Variants in GRID1 observed in about 807,000 individuals in gnomAD.
The protein encoded by GRID1 is glutamate receptor ionotropic, delta-1.
A neutral mutation model predicts 98.0 loss-of-function variants in GRID1; 28 were observed. The observed-to-expected ratio is 0.29, with a 90% CI of 0.21 to 0.39. The LOEUF (loss-of-function observed/expected upper bound fraction) is 0.39. Among genes scored for constraint, GRID1 ranks in the 10% least tolerant of loss-of-function variants. GRID1 has a pLI of 1.00. For synonymous variants in GRID1, 553 were observed against 538.5 expected (o/e 1.03, Z -0.37); for missense variants, 1,111 against 1,340.5 (o/e 0.83, Z 2.67).
chr10:85,827,787 G>A (rs886809400), intron 8 of GRID1, among the ~76,000 whole-genome samples: 1 of 151,778 alleles, frequency 6.6e-6, no homozygotes, highest in African/African-American at 2.4e-5. Context: ...GAAGCACCAA[G>A]GTCTTCTAAG....
At chr10:85,634,442 T>C (rs1843013460) in intron 13 of GRID1, among the ~76,000 whole-genome samples, 1 of 152,166 alleles carries the variant, frequency 6.6e-6, no homozygotes, top group Non-Finnish European at 1.5e-5. Context: ...TACTCAAATA[T>C]GTTTTATCTT....
chr10:85,905,390 C>T (rs1392539305), intron 5 of GRID1, among the ~76,000 whole-genome samples: 1 of 151,786 alleles, frequency 6.6e-6, no homozygotes, highest in African/African-American at 2.4e-5. Flanking sequence ...GGAAGTCTTT[C>T]AAGCAGAAGA....
At chr10:86,337,160 C>T (rs1848234322) in intron 2 of GRID1, among the ~76,000 whole-genome samples, 1 of 152,088 alleles carries the variant, frequency 6.6e-6, no homozygotes, top group Non-Finnish European at 1.5e-5. Context: ...CAGCCTGGCC[C>T]ACTCTCTATC....
intron 4 of GRID1, among the ~76,000 whole-genome samples, chr10:85,920,281 T>TA (rs1333773614): frequency 6.6e-6 from 1 of 152,048 alleles, no homozygotes; most frequent in Non-Finnish European, 1.5e-5. Context: ...CCACTTAGGG[T>TA]TATTGTGAGA....
At chr10:85,729,127 A>G (rs987474836) in intron 9 of GRID1, among the ~76,000 whole-genome samples, 5 of 152,116 alleles carry the variant, frequency 3.3e-5, no homozygotes, top group Non-Finnish European at 7.3e-5. Flanking sequence ...TGCTAAGAGA[A>G]TGTCCTCCTC....
chr10:86,129,315 G>A (rs963009417), intron 4 of GRID1, among the ~76,000 whole-genome samples: 8 of 152,174 alleles, frequency 5.3e-5, no homozygotes, highest in Non-Finnish European at 7.4e-5. Context: ...CACTCCAGGA[G>A]AAAAATGGGC....
intron 2 of GRID1, among the ~76,000 whole-genome samples, chr10:86,314,588 G>A (rs1194274218): frequency 6.6e-6 from 1 of 152,206 alleles, no homozygotes; most frequent in East Asian, 1.9e-4. Context: ...GGAAATGGTG[G>A]CACAGGTGCC....
At chr10:86,353,606 T>C (rs1216734365) in intron 2 of GRID1, among the ~76,000 whole-genome samples, 1 of 152,166 alleles carries the variant, frequency 6.6e-6, no homozygotes, top group Admixed American at 6.5e-5. Context: ...TGCCCTGAGC[T>C]GAGGCTCAGG....
intron 2 of GRID1, among the ~76,000 whole-genome samples, chr10:86,317,741 A>T (rs114391254): frequency 0.018 from 2,721 of 151,934 alleles, 47 homozygotes; most frequent in African/African-American, 0.046. Flanking sequence ...TTTTAATTTT[A>T]ATTTTTATTT....
chr10:86,350,182 G>A (rs939099295), intron 2 of GRID1, among the ~76,000 whole-genome samples: 1 of 152,252 alleles, frequency 6.6e-6, no homozygotes, highest in African/African-American at 2.4e-5. Flanking sequence ...GTCAAGAGAA[G>A]TGGCGGCTAA....
chr10:85,690,371 A>C (rs1841318595), intron 12 of GRID1, among the ~76,000 whole-genome samples: 1 of 152,188 alleles, frequency 6.6e-6, no homozygotes, highest in Non-Finnish European at 1.5e-5. Flanking sequence ...TCAGCACTTT[A>C]TGACATTCAA....
intron 2 of GRID1, among the ~76,000 whole-genome samples, chr10:86,290,740 T>C (rs1392499646): frequency 6.6e-6 from 1 of 152,004 alleles, no homozygotes; most frequent in Non-Finnish European, 1.5e-5. Flanking sequence ...CCATGATATG[T>C]TTGGGAGAAA....
At chr10:85,835,387 G>A (rs566785722) in intron 8 of GRID1, among the ~76,000 whole-genome samples, 52 of 152,318 alleles carry the variant, frequency 3.4e-4, no homozygotes, top group African/African-American at 1.3e-3. Flanking sequence ...GTGGGGCCAG[G>A]TGAAGATAAT....
At position 85,619,824 on chromosome 10, in the gene GRID1, A is replaced by G. The variant is rs775057072; in HGVS notation, c.2360+43T>C. 8.6e-6 allele frequency: 13 copies of G among 1,503,104 alleles called. No homozygotes were observed. In the South Asian group the frequency reaches 1.0e-4, roughly 12 times the overall value. 93.1% of individuals were successfully genotyped at this position (1,503,104 alleles called of 1,614,324 possible). On this transcript the variant is annotated intron_variant, in intron 14 of 15. Transcript: ENST00000327946. ...GGTTATTCTCCTACCCTTGACCACTAGAGTCCTGAGGCAGCGGTAGTTACC... is the reference window on the plus strand; with the variant it reads ...GGTTATTCTCCTACCCTTGACCACTGGAGTCCTGAGGCAGCGGTAGTTACC...
At chr10:86,227,324 T>C (rs1287338375) in intron 2 of GRID1, among the ~76,000 whole-genome samples, 2 of 152,144 alleles carry the variant, frequency 1.3e-5, no homozygotes, top group African/African-American at 4.8e-5. Context: ...AGACCAGCAT[T>C]AAGGCAGGGG....
chr10:86,163,453 T>G (rs1158001086), intron 3 of GRID1, among the ~76,000 whole-genome samples: 1 of 151,772 alleles, frequency 6.6e-6, no homozygotes, highest in Non-Finnish European at 1.5e-5. Flanking sequence ...AGGGTCCATG[T>G]GCACAATGTG....
chr10:85,976,456 T>A (rs1842473699), intron 4 of GRID1, among the ~76,000 whole-genome samples: 1 of 152,210 alleles, frequency 6.6e-6, no homozygotes, highest in African/African-American at 2.4e-5. Flanking sequence ...TGTCTGGCTC[T>A]CTCCAGAGGA....
intron 4 of GRID1, among the ~76,000 whole-genome samples, chr10:85,993,168 G>C (rs113486070): frequency 0.056 from 8,517 of 152,228 alleles, 301 homozygotes; most frequent in Middle Eastern, 0.092. Context: ...AAGAGAAGAG[G>C]AGGAGGCCAG....
At chr10:85,700,509 C>A (rs1322716786) in intron 12 of GRID1, among the ~76,000 whole-genome samples, 1 of 152,164 alleles carries the variant, frequency 6.6e-6, no homozygotes, top group Non-Finnish European at 1.5e-5. Flanking sequence ...TTCCTAAATG[C>A]AAACATTAAT....
Sources: gnomAD v4.1 joint callset for allele counts (sites outside exome capture counted in the v4.1 genomes callset) on GRCh38, gnomAD v4.1.1 for gene constraint, MANE v1.5 for transcripts, NCBI Gene and HGNC (gene_info 2026-07-23, HGNC 2026-07-21) for gene names.